Variants in ZBTB48 observed in about 807,000 individuals in gnomAD.
ZBTB48 encodes the protein zinc finger and BTB domain-containing protein 48.
Under a neutral mutation model 64.5 loss-of-function variants are expected in ZBTB48, and 35 were observed. The observed-to-expected ratio is 0.54, with a 90% CI of 0.41 to 0.72. The LOEUF is 0.72. Among genes scored for constraint, ZBTB48 ranks in the 30% least tolerant of loss-of-function variants. ZBTB48 has a pLI of 0.00. For synonymous variants in ZBTB48, 442 were observed against 356.7 expected (o/e 1.24, Z -2.70); for missense variants, 828 against 895.3 (o/e 0.92, Z 0.96).
At position 6,588,795 on chromosome 1, in the gene ZBTB48, G is replaced by C; in HGVS notation, c.1721G>C (p.Gly574Ala). The change falls in exon 10 of 11, where the codon GGG becomes GCG. Residue 574 changes from glycine (G) to alanine (A), a missense_variant. Transcript: ENST00000377674. ...CGTGTGCACGTCAGACGGCACAAGG[G>C]GGTGAGGAAGTTTGAGTGCACCGAG... ...QLRVHVRRHKGVRKFECTECG... is the reference protein window; with the variant it reads ...QLRVHVRRHKAVRKFECTECG... 2 of 1,614,158 alleles carry C rather than the reference G, an allele frequency of 1.2e-6. No individual in the cohort carries two copies. The highest frequency in any genetic ancestry group is 1.7e-6 in the Non-Finnish European group (2 of 1,180,034).
chr1:6,582,987 G>GT (rs1640525477), intron 3 of ZBTB48, among the ~76,000 whole-genome samples: 1 of 146,878 alleles, frequency 6.8e-6, no homozygotes, highest in Non-Finnish European at 1.5e-5. Context: ...GCTATTTTAT[G>GT]TTTTTTGTTT....
At chr1:6,585,140 C>T (rs1640612709) in intron 3 of ZBTB48, among the ~76,000 whole-genome samples, 1 of 152,024 alleles carries the variant, frequency 6.6e-6, no homozygotes, top group South Asian at 2.1e-4. Flanking sequence ...TCTCTAGAGT[C>T]TTACTGAGAA....
Position 6,584,874 on chromosome 1 carries a change from C to A in ZBTB48, c.933-1045C>A, listed in dbSNP as rs1032629513. Among the ~76,000 whole-genome samples the A allele has an allele frequency of 1.3e-5, 2 of 152,098 alleles. No individual in the cohort carries two copies. Among genetic ancestry groups the A allele is most frequent in the Non-Finnish European group, 2.9e-5 (2 of 68,030 alleles). ...GCAGGCTGCACAGGGGCTCTGAGGT[C>A]GAGTTCGTTTAGTTCATTGATTAAG... On this transcript the variant is annotated intron_variant, in intron 3 of 10. Coordinates refer to ENST00000377674, the MANE Select transcript of ZBTB48 (RefSeq NM_005341.4). This position sits in a 1 kb window ranked among gnomAD's most constrained non-coding sequence, Gnocchi z 4.5.
At chr1:6,583,819 G>T (rs554109630) in intron 3 of ZBTB48, among the ~76,000 whole-genome samples, 1 of 128,126 alleles carries the variant, frequency 7.8e-6, no homozygotes, top group Non-Finnish European at 1.6e-5. Flanking sequence ...CCCCTCTGTC[G>T]CCCAGGCTGG....
rs1430386353 is a variant in ZBTB48, at chr1:6,584,103, G to A, written c.932+1804G>A. The stretch of plus-strand genomic sequence containing the variant: ...AGCCATTTTTTTACTTTTTAGTAGT[G>A]ATGGGTTTCACCATATTGGCCAGGC... On this transcript the variant is annotated intron_variant, in intron 3 of 10. Coordinates refer to ENST00000377674, the MANE Select transcript of ZBTB48 (RefSeq NM_005341.4). This position sits in a 1 kb window ranked among gnomAD's most constrained non-coding sequence, Gnocchi z 4.5. Among the ~76,000 whole-genome samples the A allele has an allele frequency of 6.7e-6, 1 of 149,476 alleles. No individual in the cohort carries two copies. The highest frequency in any genetic ancestry group is 2.5e-5 in the African/African-American group (1 of 40,270).
At position 6,580,576 on chromosome 1, in the gene ZBTB48, G is replaced by A. The variant is rs546531479; in HGVS notation, c.-34G>A. On this transcript the variant is annotated 5_prime_UTR_variant, in exon 2 of 11. Coordinates refer to ENST00000377674, the MANE Select transcript of ZBTB48 (RefSeq NM_005341.4). This position sits in a 1 kb window ranked among gnomAD's most constrained non-coding sequence, Gnocchi z 5.2. The stretch of plus-strand genomic sequence containing the variant: ...TTGCATACCCTCGCTTAGGCTGGCC[G>A]GGGTGTCACTTCTGCCTCCCTGCCC... The A allele has an allele frequency of 2.8e-5, 44 of 1,584,628 alleles. 1 individual carries two copies. The South Asian group carries it at 4.6e-4, about 17-fold the overall frequency.
At chr1:6,583,602 T>C (rs1557820317) in intron 3 of ZBTB48, among the ~76,000 whole-genome samples, 1 of 148,618 alleles carries the variant, frequency 6.7e-6, no homozygotes, top group East Asian at 2.0e-4. Flanking sequence ...CCCAGCCTGT[T>C]ATTTTTTTTT....
At chr1:6,585,120 G>T (rs943883297) in intron 3 of ZBTB48, among the ~76,000 whole-genome samples, 1 of 152,176 alleles carries the variant, frequency 6.6e-6, no homozygotes, top group Non-Finnish European at 1.5e-5. Flanking sequence ...GCGATTTTAA[G>T]TAGCCAGGGT....
intron 3 of ZBTB48, among the ~76,000 whole-genome samples, chr1:6,582,518 T>C (rs1640509465): frequency 6.6e-6 from 1 of 152,210 alleles, no homozygotes; most frequent in South Asian, 2.1e-4. Flanking sequence ...TGGTTGGAGA[T>C]GGGTTTGTGT....
Position 6,589,033 on chromosome 1 carries a change from C to T in ZBTB48, c.1888C>T (p.Pro630Ser), listed in dbSNP as rs770741710. The T allele has an allele frequency of 1.3e-6, 2 of 1,596,140 alleles. No homozygotes were observed. Among genetic ancestry groups the T allele is most frequent in the South Asian group, 1.1e-5 (1 of 89,582 alleles). Reference protein sequence around the residue: ...DEKMVVVALQPPAELEVGSAE... With the variant: ...DEKMVVVALQSPAELEVGSAE... ...GAAGATGGTGGTGGTGGCGCTGCAGCCGCCTGCAGAGCTGGAGGTGGGCTC... is the reference window on the plus strand; with the variant it reads ...GAAGATGGTGGTGGTGGCGCTGCAGTCGCCTGCAGAGCTGGAGGTGGGCTC... The change falls in exon 11 of 11, where the codon CCG (proline) becomes TCG (serine). Residue 630 changes from proline (P) to serine (S), a missense_variant. Physicochemically the swap from Pro to Ser is moderately conservative, Grantham distance 74. Transcript: ENST00000377674.
chr1:6,585,801 C>G, intron 3 of ZBTB48, 118 bp from the exon 4 acceptor site: 4 of 943,180 alleles, frequency 4.2e-6, no homozygotes, highest in Admixed American at 1.9e-5. Flanking sequence ...TGCACCTTAA[C>G]CAGCCGGTGT....
chr1:6,587,080 CA>C (rs1376526788), intron 5 of ZBTB48, 124 bp from the exon 6 acceptor site: 23 of 1,079,576 alleles, frequency 2.1e-5, no homozygotes, highest in Non-Finnish European at 3.2e-5. Flanking sequence ...CACACCAGAT[CA>C]GGGGTCCTCC....
rs756390582 is a variant in ZBTB48 at position 6,587,544 on chromosome 1, C to T, written c.1291C>T (p.Arg431Cys). 6.2e-6 allele frequency: 10 copies of T among 1,613,988 alleles called. No homozygotes were observed. The highest frequency in any genetic ancestry group is 5.0e-5 in the Admixed American group (3 of 60,004). The change falls in exon 7 of 11, where the codon CGT (arginine) becomes TGT (cysteine). Residue 431 changes from arginine (R) to cysteine (C), a missense_variant. By Grantham distance (180) the Arg-to-Cys change is radical. Transcript: ENST00000377674. Reference sequence around the variant, plus strand: ...GCAGCTGCATGAAGCTTTCAAGCACCGTGGTGAGAAGCTGTTTGTGTGTGA... The same window carrying T: ...GCAGCTGCATGAAGCTTTCAAGCACTGTGGTGAGAAGCTGTTTGTGTGTGA... ...ELQLHEAFKHRGEKLFVCEEC... is the reference protein window; with the variant it reads ...ELQLHEAFKHCGEKLFVCEEC...
At chr1:6,585,306 A>C (rs1197065846) in intron 3 of ZBTB48, 1 of 153,566 alleles carries the variant, frequency 6.5e-6, no homozygotes, top group African/African-American at 2.4e-5. Context: ...CCAGGTGGCC[A>C]GACGACACCC....
Position 6,584,919 on chromosome 1 carries a change from C to T in ZBTB48, c.933-1000C>T, listed in dbSNP as rs1413321494. 6.6e-6 allele frequency among the ~76,000 whole-genome samples: 1 copy of T among 152,004 alleles called. No homozygotes were observed. Among genetic ancestry groups the T allele is most frequent in the East Asian group, 1.9e-4 (1 of 5,176 alleles). On this transcript the variant is annotated intron_variant, in intron 3 of 10. Transcript: ENST00000377674. This position sits in a 1 kb window ranked among gnomAD's most constrained non-coding sequence, Gnocchi z 4.5. ...ATTAAGCAGTCTACCAGGTGGCCAG[C>T]AAGGCTTTGTGGGTGCTTGGGATGC...
chr1:6,588,549 GGTTA>G lies in ZBTB48; in HGVS notation c.1681+109_1681+112del, dbSNP rs1640763346. 2.1e-6 allele frequency: 3 copies of G among 1,450,414 alleles called. No homozygotes were observed. The East Asian group carries it at 7.5e-5, about 36-fold the overall frequency. 89.8% of individuals were successfully genotyped at this position (1,450,414 alleles called of 1,614,324 possible). On this transcript the variant is annotated intron_variant, in intron 9 of 10. Coordinates refer to ENST00000377674, the MANE Select transcript of ZBTB48 (RefSeq NM_005341.4). ...TGTGAACCTCTTTTGTGCCCCACAT[GGTTA>G]GAGTTGAGAGTGGACCTGCTTTGAA...
intron 5 of ZBTB48, 105 bp downstream of exon 5, chr1:6,586,892 T>G: frequency 1.5e-6 from 2 of 1,310,694 alleles, no homozygotes; most frequent in South Asian, 1.3e-5. Context: ...ACAGTAGCTG[T>G]CAGGGAGCCT....
Position 6,580,834 on chromosome 1 carries a change from C to G in ZBTB48, c.225C>G (p.Leu75=), listed in dbSNP as rs931668134. The G allele has an allele frequency of 1.2e-6, 2 of 1,614,204 alleles. No homozygotes were observed. Among genetic ancestry groups the G allele is most frequent in the Admixed American group, 1.7e-5 (1 of 60,030 alleles). Residue 75 remains leucine, a synonymous_variant, in exon 2 of 11, where the codon CTC becomes CTG. Transcript: ENST00000377674. This position sits in a 1 kb window ranked among gnomAD's most constrained non-coding sequence, Gnocchi z 5.2. ...CTGGCTTCGCTGAGATCTTTGGCCT[C>G]TTGTTGGACTTTTTCTACACTGGTC... ...LPAGFAEIFG[L]LLDFFYTGHL...
Position 6,586,313 on chromosome 1 carries a change from G to A in ZBTB48, c.1044+283G>A, listed in dbSNP as rs563400646. On this transcript the variant is annotated intron_variant, in intron 4 of 10. Coordinates refer to ENST00000377674, the MANE Select transcript of ZBTB48 (RefSeq NM_005341.4). ...ACCTTGGCTTTGGAGAAGGGGAGCCGCTACAGGGGATGGCAGCTGGGAAAG... is the reference window on the plus strand; with the variant it reads ...ACCTTGGCTTTGGAGAAGGGGAGCCACTACAGGGGATGGCAGCTGGGAAAG... 2.2e-4 allele frequency: 112 copies of A among 514,786 alleles called. 1 individual carries two copies. The South Asian group carries it at 2.4e-3, about 11-fold the overall frequency. 31.9% of individuals were successfully genotyped at this position (514,786 alleles called of 1,614,324 possible). A position where few individuals can be genotyped will look rare whatever the true frequency, so the allele number is the denominator to read the frequency against.
Sources: allele counts gnomAD v4.1 joint callset (sites outside exome capture counted in the v4.1 genomes callset), GRCh38; gene constraint gnomAD v4.1.1; non-coding constraint Gnocchi (gnomAD v3.1); transcripts MANE v1.5; gene names NCBI Gene and HGNC (gene_info 2026-07-23, HGNC 2026-07-21).